The following BBS9 variants were observed in gnomAD, a reference collection of about 807,000 sequenced individuals.
BBS9 encodes Bardet-Biedl syndrome 9.
In BBS9, 89 loss-of-function variants were observed where a neutral mutation model predicts 117.7. The ratio of observed to expected loss-of-function variants is 0.76; its 90% CI spans 0.64 to 0.90. The LOEUF (loss-of-function observed/expected upper bound fraction) is 0.90, where lower values mean the gene tolerates loss of function less well. Among genes scored for constraint, BBS9 ranks in the 40% least tolerant of loss-of-function variants. The pLI is 0.00. For synonymous variants in BBS9, 379 were observed against 370.9 expected (o/e 1.02, Z -0.25); for missense variants, 982 against 1,042.2 (o/e 0.94, Z 0.80).
intron 19 of BBS9, among the ~76,000 whole-genome samples, chr7:33,452,966 T>G (rs1838109891): frequency 6.6e-6 from 1 of 152,222 alleles, no homozygotes; most frequent in African/African-American, 2.4e-5. Context: ...AAGAAAAGAT[T>G]AAGTTACATG....
At chr7:33,440,751 C>G (rs1312315106) in intron 19 of BBS9, among the ~76,000 whole-genome samples, 1 of 152,186 alleles carries the variant, frequency 6.6e-6, no homozygotes, top group African/African-American at 2.4e-5. Flanking sequence ...CAGAGTCCAT[C>G]AGTATACCAT....
intron 19 of BBS9, among the ~76,000 whole-genome samples, chr7:33,479,481 A>G (rs758051203): frequency 6.6e-6 from 1 of 152,110 alleles, no homozygotes; most frequent in Non-Finnish European, 1.5e-5. Context: ...CATGGTGTAT[A>G]TGTGCAACAT....
At chr7:33,420,618 C>T (rs1832716041) in intron 19 of BBS9, among the ~76,000 whole-genome samples, 1 of 152,084 alleles carries the variant, frequency 6.6e-6, no homozygotes, top group African/African-American at 2.4e-5. Context: ...CCGAGAAATC[C>T]ACAGAGACAG....
chr7:33,436,706 G>A (rs1207405409), intron 19 of BBS9, among the ~76,000 whole-genome samples: 31 of 152,194 alleles, frequency 2.0e-4, no homozygotes, highest in Admixed American at 2.0e-3. Flanking sequence ...TGATAACGCT[G>A]TGTTGCAATT....
chr7:33,198,048 T>C (rs1785221137), intron 5 of BBS9, among the ~76,000 whole-genome samples: 1 of 151,994 alleles, frequency 6.6e-6, no homozygotes, highest in African/African-American at 2.4e-5. Context: ...TTCACCTATA[T>C]TATATTACTA....
At chr7:33,307,230 G>T (rs1429959473) in intron 9 of BBS9, among the ~76,000 whole-genome samples, 2 of 152,140 alleles carry the variant, frequency 1.3e-5, no homozygotes, top group African/African-American at 4.8e-5. Flanking sequence ...GATATTAAAT[G>T]TTGGCAACAT....
Position 33,367,802 on chromosome 7 carries a change from G to A in BBS9, c.1729G>A (p.Val577Ile), listed in dbSNP as rs771905244. ...ASQSDDDQVN[V>I]MGFHFLGGAR... Reference sequence around the variant, plus strand: ...TCAGTCAGATGATGATCAGGTGAATGTAATGGGTTTTCACTTCTTAGGAGG... The same window carrying A: ...TCAGTCAGATGATGATCAGGTGAATATAATGGGTTTTCACTTCTTAGGAGG... Residue 577 changes from valine (V) to isoleucine (I), a missense_variant, in exon 17 of 23, where the codon GTA becomes ATA. By Grantham distance (29) the Val-to-Ile change is conservative. Coordinates refer to ENST00000242067, the MANE Select transcript of BBS9 (RefSeq NM_198428.3). 3 of 1,613,900 alleles carry A rather than the reference G, an allele frequency of 1.9e-6. No individual in the cohort carries two copies. The highest frequency in any genetic ancestry group is 2.5e-6 in the Non-Finnish European group (3 of 1,179,860).
chr7:33,333,137 G>C (rs774353281), intron 9 of BBS9, among the ~76,000 whole-genome samples: 1 of 152,058 alleles, frequency 6.6e-6, no homozygotes. Context: ...GGTGATTTCT[G>C]TGATTTTGGT....
At position 33,218,840 on chromosome 7, in the gene BBS9, C is replaced by T. The variant is rs111231074; in HGVS notation, c.443-38396C>T. 1.3e-4 allele frequency among the ~76,000 whole-genome samples: 20 copies of T among 152,372 alleles called. No individual in the cohort carries two copies. The South Asian group carries it at 3.3e-3, about 25-fold the overall frequency. On this transcript the variant is annotated intron_variant, in intron 5 of 22. Coordinates refer to ENST00000242067, the MANE Select transcript of BBS9 (RefSeq NM_198428.3). ...AGCCCTTGCAGCCCTCGCTCGCTCT[C>T]GGCACCTCCTCTGCCTGGGCTCCCA...
rs763041758 is a variant in BBS9, at chr7:33,274,994, C to CAAAAAAAAAAAAA, written c.1016+1048_1016+1060dup. Among the ~76,000 whole-genome samples the CAAAAAAAAAAAAA allele has an allele frequency of 3.4e-5, 2 of 58,722 alleles. 1 individual carries two copies. 38.5% of individuals were successfully genotyped at this position (58,722 alleles called of 152,430 possible). ...TGGGTGACAGAGTGAGACTGTGTCT[C>CAAAAAAAAAAAAA]AAAAAAAAAAAAAAAAAAAAAAGCC... On this transcript the variant is annotated intron_variant, in intron 9 of 22. Coordinates refer to ENST00000242067, the MANE Select transcript of BBS9 (RefSeq NM_198428.3).
intron 5 of BBS9, among the ~76,000 whole-genome samples, chr7:33,192,229 A>T (rs181141927): frequency 6.6e-6 from 1 of 152,344 alleles, no homozygotes; most frequent in East Asian, 1.9e-4. Flanking sequence ...ATATGCATAT[A>T]TCTTGAAGTC....
intron 19 of BBS9, among the ~76,000 whole-genome samples, chr7:33,424,958 A>G (rs1190150528): frequency 6.6e-6 from 1 of 152,184 alleles, no homozygotes; most frequent in African/African-American, 2.4e-5. Context: ...ATATAAATTA[A>G]TATTTTAAAA....
Position 33,599,774 on chromosome 7 carries a change from C to G in BBS9, c.2522-5091C>G, listed in dbSNP as rs78894696. On this transcript the variant is annotated intron_variant, in intron 21 of 22. Coordinates refer to ENST00000242067, the MANE Select transcript of BBS9 (RefSeq NM_198428.3). Reference sequence around the variant, plus strand: ...GTAATAACTTAATTGTAATAGGGCTCAATAATAAAACTATCACATATAACA... The same window carrying G: ...GTAATAACTTAATTGTAATAGGGCTGAATAATAAAACTATCACATATAACA... Among the ~76,000 whole-genome samples the G allele has an allele frequency of 5.0e-3, 763 of 152,194 alleles. 9 individuals are homozygous for G. The East Asian group carries it at 0.072, about 14-fold the overall frequency.
chr7:33,534,543 G>C (rs1167650219), intron 21 of BBS9, among the ~76,000 whole-genome samples: 1 of 152,196 alleles, frequency 6.6e-6, no homozygotes, highest in African/African-American at 2.4e-5. Flanking sequence ...CATGATACAA[G>C]CAACTAATGT....
chr7:33,217,767 AC>A (rs1789362308), intron 5 of BBS9, among the ~76,000 whole-genome samples: 1 of 152,204 alleles, frequency 6.6e-6, no homozygotes, highest in Non-Finnish European at 1.5e-5. Context: ...ATTCCATCTG[AC>A]CTGCAGAAAA....
chr7:33,520,172 C>A (rs1848401514), intron 20 of BBS9, among the ~76,000 whole-genome samples: 1 of 152,084 alleles, frequency 6.6e-6, no homozygotes, highest in South Asian at 2.1e-4. Flanking sequence ...CTGCACCCAA[C>A]TAATTTTTGT....
chr7:33,383,648 T>G lies in BBS9; in HGVS notation c.1790-18T>G. 1 of 1,590,128 alleles carries G rather than the reference T, an allele frequency of 6.3e-7. No individual in the cohort carries two copies. Among genetic ancestry groups the G allele is most frequent in the Non-Finnish European group, 8.6e-7 (1 of 1,164,948 alleles). On this transcript the variant is annotated intron_variant, in intron 17 of 22. Transcript: ENST00000242067. ...ATTCTGTGTTACTAAGCATTTTTCC[T>G]TAATTTTTTTCTCTCAGAACGATAT...
Position 33,257,230 on chromosome 7 carries a change from CT to C in BBS9, c.443-3del. ...GATTATCTAATTTTCTCTAATTCTTCTTTAGGTCGAGATTTAATTTGCATCC... is the reference window on the plus strand; with the variant it reads ...GATTATCTAATTTTCTCTAATTCTTCTTAGGTCGAGATTTAATTTGCATCC... On this transcript the variant is annotated splice_polypyrimidine_tract_variant and splice_region_variant and intron_variant, in intron 5 of 22. Coordinates refer to ENST00000242067, the MANE Select transcript of BBS9 (RefSeq NM_198428.3). The C allele has an allele frequency of 6.3e-7, 1 of 1,596,782 alleles. No individual in the cohort carries two copies. The highest frequency in any genetic ancestry group is 1.3e-5 in the African/African-American group (1 of 74,750).
intron 18 of BBS9, among the ~76,000 whole-genome samples, chr7:33,387,702 T>A (rs972929910): frequency 6.6e-6 from 1 of 152,210 alleles, no homozygotes; most frequent in Non-Finnish European, 1.5e-5. Flanking sequence ...GAGAAAAGAT[T>A]TCTATTTTTT....
Sources: gnomAD v4.1 joint callset for allele counts (sites outside exome capture counted in the v4.1 genomes callset) on GRCh38, gnomAD v4.1.1 for gene constraint, MANE v1.5 for transcripts, NCBI Gene and HGNC (gene_info 2026-07-23, HGNC 2026-07-21) for gene names.